Variants in SUGCT observed in about 807,000 individuals in gnomAD.
SUGCT encodes succinyl-CoA:glutarate CoA-transferase.
In SUGCT, 41 loss-of-function variants were observed where a neutral mutation model predicts 55.0. The ratio of observed to expected loss-of-function variants is 0.74; its 90% CI spans 0.58 to 0.97. The LOEUF is 0.97. Among genes scored for constraint, SUGCT ranks in the 50% least tolerant of loss-of-function variants. SUGCT has a pLI of 0.00. For synonymous variants in SUGCT, 187 were observed against 200.4 expected (o/e 0.93, Z 0.56); for missense variants, 568 against 547.8 (o/e 1.04, Z -0.37).
the SUGCT span, among the ~76,000 whole-genome samples, chr7:40,998,427 A>T: frequency 2.0e-5 from 3 of 152,092 alleles, no homozygotes; most frequent in African/African-American, 7.2e-5. Flanking sequence ...ACATTAAAAA[A>T]CTGCTCCAGA....
At chr7:40,883,824 A>C in the SUGCT span, among the ~76,000 whole-genome samples, 1 of 152,178 alleles carries the variant, frequency 6.6e-6, no homozygotes, top group Non-Finnish European at 1.5e-5. Context: ...CCAAAACATC[A>C]GTCAATCCTG....
At chr7:40,784,087 A>C (rs1297034555) in intron 13 of SUGCT, among the ~76,000 whole-genome samples, 1 of 152,120 alleles carries the variant, frequency 6.6e-6, no homozygotes, top group Admixed American at 6.5e-5. Context: ...GGATCTTTCT[A>C]TCCCTGAGTA....
intron 12 of SUGCT, among the ~76,000 whole-genome samples, chr7:40,554,681 G>A (rs1300470641): frequency 6.6e-6 from 1 of 152,128 alleles, no homozygotes; most frequent in Non-Finnish European, 1.5e-5. Context: ...ACTTCCCTTA[G>A]ACTTGTGTTT....
At chr7:40,335,837 G>A (rs1180489080) in intron 9 of SUGCT, among the ~76,000 whole-genome samples, 1 of 152,120 alleles carries the variant, frequency 6.6e-6, no homozygotes, top group East Asian at 1.9e-4. Flanking sequence ...GTTTTCAAAG[G>A]CAATGCTTCC....
chr7:40,846,065 G>A (rs1427679487), intron 13 of SUGCT, among the ~76,000 whole-genome samples: 1 of 152,110 alleles, frequency 6.6e-6, no homozygotes, highest in Non-Finnish European at 1.5e-5. Context: ...GAAATTTCCG[G>A]TTTTTTCCTT....
At position 40,448,926 on chromosome 7, in the gene SUGCT, G is replaced by A. The variant is rs552661743; in HGVS notation, c.817-361G>A. Among the ~76,000 whole-genome samples, 1,036 of 128,120 alleles carry A rather than the reference G, an allele frequency of 8.1e-3. 13 individuals are homozygous for A. The highest frequency in any genetic ancestry group is 0.031 in the African/African-American group (925 of 29,866). 84.1% of individuals were successfully genotyped at this position (128,120 alleles called of 152,430 possible). On this transcript the variant is annotated intron_variant, in intron 9 of 13. Coordinates refer to ENST00000335693, the MANE Select transcript of SUGCT (RefSeq NM_001193313.2). ...CATATGTGTGTGTGTGTGTATATAT[G>A]TGTGTGTGTGTGTGTGTGTGTGTGT...
chr7:40,559,349 C>T (rs1296576854), intron 12 of SUGCT, among the ~76,000 whole-genome samples: 1 of 152,220 alleles, frequency 6.6e-6, no homozygotes, highest in Admixed American at 6.5e-5. Context: ...GTGTTTTAGA[C>T]TTAGCAATAA....
At chr7:40,455,549 G>A (rs761751618) in intron 10 of SUGCT, among the ~76,000 whole-genome samples, 10 of 152,218 alleles carry the variant, frequency 6.6e-5, no homozygotes, top group Middle Eastern at 3.4e-3. Flanking sequence ...AACTGGAGTG[G>A]GGCTATATTA....
At chr7:40,223,237 T>A (rs1788145917) in intron 6 of SUGCT, among the ~76,000 whole-genome samples, 1 of 152,106 alleles carries the variant, frequency 6.6e-6, no homozygotes, top group Non-Finnish European at 1.5e-5. Flanking sequence ...ATTTTTGTAT[T>A]TTTAATAGAG....
intron 13 of SUGCT, among the ~76,000 whole-genome samples, chr7:40,854,452 CTT>C (rs1218704907): frequency 3.5e-5 from 5 of 141,586 alleles, no homozygotes; most frequent in African/African-American, 1.4e-4. Flanking sequence ...TTCTTTCTTT[CTT>C]TCTTTCTTTC....
the SUGCT span, among the ~76,000 whole-genome samples, chr7:40,896,586 C>T: frequency 4.6e-5 from 7 of 152,106 alleles, no homozygotes; most frequent in African/African-American, 1.2e-4. Flanking sequence ...AGGGCTTTTC[C>T]CCTTTTGCTC....
At position 40,496,365 on chromosome 7, in the gene SUGCT, G is replaced by T. The variant is rs762119007; in HGVS notation, c.1068G>T (p.Lys356Asn). The change falls in exon 12 of 14, where the codon AAG becomes AAT. Residue 356 changes from lysine to asparagine, a missense_variant. By Grantham distance (94) the Lys-to-Asn change is moderately conservative (BLOSUM62 0). Transcript: ENST00000335693. ...GVPYGPINNM[K>N]NVFAEPQVLH... ...CGTATGGCCCAATCAACAACATGAA[G>T]AATGTATTTGCAGAACCTCAGGTTT... 4.0e-5 allele frequency: 65 copies of T among 1,612,114 alleles called. No homozygotes were observed. The highest frequency in any genetic ancestry group is 5.3e-5 in the Non-Finnish European group (62 of 1,178,862).
At chr7:40,346,314 T>C (rs1429277556) in intron 9 of SUGCT, among the ~76,000 whole-genome samples, 1 of 152,168 alleles carries the variant, frequency 6.6e-6, no homozygotes, top group African/African-American at 2.4e-5. Context: ...ATTTAATCTA[T>C]GTATTTAAAT....
chr7:40,971,910 TA>T, the SUGCT span, among the ~76,000 whole-genome samples: 4 of 152,206 alleles, frequency 2.6e-5, no homozygotes, highest in Non-Finnish European at 4.4e-5. Context: ...TGTCAATTAA[TA>T]TTTTTTTACA....
intron 9 of SUGCT, among the ~76,000 whole-genome samples, chr7:40,392,423 T>A (rs1785491579): frequency 6.6e-6 from 1 of 152,110 alleles, no homozygotes; most frequent in South Asian, 2.1e-4. Context: ...AGTATATGGG[T>A]TAGCTAAAGC....
At chr7:40,856,609 T>G (rs1794181585) in intron 13 of SUGCT, among the ~76,000 whole-genome samples, 1 of 152,170 alleles carries the variant, frequency 6.6e-6, no homozygotes, top group Non-Finnish European at 1.5e-5. Flanking sequence ...ATGCAAAGAA[T>G]TTTTATGGGC....
rs1784048473 is a variant in SUGCT, at chr7:40,159,506, G to T, written c.101-21441G>T. 5.9e-5 allele frequency among the ~76,000 whole-genome samples: 9 copies of T among 152,134 alleles called. No individual in the cohort carries two copies. The South Asian group carries it at 1.9e-3, about 32-fold the overall frequency. ...CTGCCTCAGCCTCCTGAGTAGCTGGGACTACAGGCACGCACCACCACGCCT... is the reference window on the plus strand; with the variant it reads ...CTGCCTCAGCCTCCTGAGTAGCTGGTACTACAGGCACGCACCACCACGCCT... On this transcript the variant is annotated intron_variant, in intron 1 of 13. Coordinates refer to ENST00000335693, the MANE Select transcript of SUGCT (RefSeq NM_001193313.2).
intron 12 of SUGCT, among the ~76,000 whole-genome samples, chr7:40,523,385 T>C (rs966324630): frequency 6.6e-6 from 1 of 152,084 alleles, no homozygotes; most frequent in Non-Finnish European, 1.5e-5. Flanking sequence ...AGAATTTTAA[T>C]ATGTAAATGT....
chr7:40,814,752 A>T lies in SUGCT; in HGVS notation c.1154-45564A>T, dbSNP rs567544236. Among the ~76,000 whole-genome samples, 12 of 152,222 alleles carry T rather than the reference A, an allele frequency of 7.9e-5. No homozygotes were observed. The South Asian group carries it at 2.5e-3, about 32-fold the overall frequency. On this transcript the variant is annotated intron_variant, in intron 13 of 13. Transcript: ENST00000335693. ...AGTGTGATCCTTTGATGCTGTCACC[A>T]CATTCAAATTCCTCATGGTGCCAGA...
Sources: gnomAD v4.1 joint callset for allele counts (sites outside exome capture counted in the v4.1 genomes callset) on GRCh38, gnomAD v4.1.1 for gene constraint, MANE v1.5 for transcripts, NCBI Gene and HGNC (gene_info 2026-07-23, HGNC 2026-07-21) for gene names.